IBTK: variants seen among roughly 807,000 people sequenced by gnomAD.
IBTK encodes BTK-binding protein.
In IBTK, 83 loss-of-function variants were observed where a neutral mutation model predicts 154.9. The ratio of observed to expected loss-of-function variants is 0.54; its 90% CI spans 0.45 to 0.64. The LOEUF (loss-of-function observed/expected upper bound fraction) is 0.64, where lower values mean the gene tolerates loss of function less well. Among genes scored for constraint, IBTK ranks in the 30% least tolerant of loss-of-function variants. The pLI is 0.00. For synonymous variants in IBTK, 515 were observed against 536.1 expected, an observed-to-expected ratio of 0.96 and a Z score of 0.54; for missense variants, 1,332 against 1,584.6, an observed-to-expected ratio of 0.84 and a Z score of 2.71.
At chr6:82,238,601 C>G (rs924710168) in intron 2 of IBTK, among the ~76,000 whole-genome samples, 17 of 152,000 alleles carry the variant, frequency 1.1e-4, no homozygotes, top group African/African-American at 4.1e-4. Flanking sequence ...CCACACCCAG[C>G]TAATAATTTT....
intron 16 of IBTK, among the ~76,000 whole-genome samples, chr6:82,208,448 A>G (rs1769496690): frequency 6.6e-6 from 1 of 152,196 alleles, no homozygotes; most frequent in Non-Finnish European, 1.5e-5. Flanking sequence ...ACAAGTAACA[A>G]GTCAACATAG....
chr6:82,229,468 C>T (rs190440797), intron 4 of IBTK, among the ~76,000 whole-genome samples: 35 of 152,090 alleles, frequency 2.3e-4, no homozygotes, highest in Admixed American at 6.5e-4. Flanking sequence ...CATGTACTAC[C>T]TCAAAAAAGG....
rs1769339404 is a variant in IBTK at position 82,204,885 on chromosome 6, C to T, written c.2583G>A (p.Glu861=). 6.2e-7 allele frequency: 1 copy of T among 1,605,592 alleles called. No homozygotes were observed. Among genetic ancestry groups the T allele is most frequent in the Admixed American group, 1.7e-5 (1 of 59,104 alleles). ...ADQLLITRLK[E]ICEVALTEKL... is the part of the protein sequence containing the mutation. ...TTTCAGTTAATGCTACTTCACAAAT[C>T]TCTTTCAACCGGGTTATGAGAAGTT... The change falls in exon 17 of 29, where the codon GAG becomes GAA. Residue 861 remains glutamate (E), a synonymous_variant. Transcript: ENST00000306270.
chr6:82,215,833 G>A (rs575664236), intron 11 of IBTK, among the ~76,000 whole-genome samples: 18 of 145,768 alleles, frequency 1.2e-4, no homozygotes, highest in African/African-American at 4.3e-4. Flanking sequence ...TGCATGTATA[G>A]ATATTTTCAA....
chr6:82,242,458 A>C (rs1286895032), intron 1 of IBTK, among the ~76,000 whole-genome samples: 1 of 152,148 alleles, frequency 6.6e-6, no homozygotes, highest in African/African-American at 2.4e-5. Context: ...CACCAACACA[A>C]CAACCAACCC....
intron 17 of IBTK, 146 bp downstream of exon 17, chr6:82,204,711 A>G: frequency 2.3e-6 from 1 of 443,546 alleles, no homozygotes; most frequent in South Asian, 7.2e-5. Context: ...AAATGATGGC[A>G]TGTAATAATT....
intron 10 of IBTK, among the ~76,000 whole-genome samples, chr6:82,217,218 CACTAAATATG>C (rs1394483269): frequency 6.6e-6 from 1 of 152,104 alleles, no homozygotes; most frequent in Non-Finnish European, 1.5e-5. Context: ...AGTTTCAGAT[CACTAAATATG>C]ACTAAGACAC....
intron 16 of IBTK, 194 bp from the exon 17 acceptor site, chr6:82,205,152 A>G (rs1028335847): frequency 1.3e-5 from 5 of 377,980 alleles, no homozygotes; most frequent in Middle Eastern, 1.4e-3. Flanking sequence ...AAGTAAATAC[A>G]TCAAAATATA....
chr6:82,236,157 A>C (rs1770706508), intron 2 of IBTK, among the ~76,000 whole-genome samples: 1 of 152,142 alleles, frequency 6.6e-6, no homozygotes, highest in Non-Finnish European at 1.5e-5. Flanking sequence ...TACAGTTGTG[A>C]GCCACCATGC....
intron 16 of IBTK, among the ~76,000 whole-genome samples, chr6:82,208,616 A>AGTTACTTGGGAG (rs1769504584): frequency 6.6e-6 from 1 of 152,008 alleles, no homozygotes; most frequent in Non-Finnish European, 1.5e-5. Context: ...GGTGGTGCAC[A>AGTTACTTGGGAG]GCTGTAGTCC....
intron 27 of IBTK, 89 bp from the exon 28 acceptor site, chr6:82,172,601 A>G: frequency 7.4e-6 from 9 of 1,223,568 alleles, no homozygotes; most frequent in Non-Finnish European, 9.0e-6. Flanking sequence ...CAATGCTACA[A>G]TTCTTTCCAG....
chr6:82,216,777 A>C (rs187914756), intron 10 of IBTK, among the ~76,000 whole-genome samples: 2 of 152,274 alleles, frequency 1.3e-5, no homozygotes, highest in East Asian at 3.9e-4. Context: ...AAGAAGACAG[A>C]CATGTGCCTG....
intron 25 of IBTK, among the ~76,000 whole-genome samples, chr6:82,189,760 G>A (rs1768693498): frequency 6.6e-6 from 1 of 152,230 alleles, no homozygotes; most frequent in Non-Finnish European, 1.5e-5. Context: ...TAAGGAAAAT[G>A]ATTGATGGCA....
intron 3 of IBTK, among the ~76,000 whole-genome samples, chr6:82,233,182 T>C (rs934540305): frequency 1.4e-5 from 2 of 146,646 alleles, no homozygotes; most frequent in South Asian, 2.1e-4. Context: ...AAAAAATTAA[T>C]TGGGCATGGT....
intron 1 of IBTK, among the ~76,000 whole-genome samples, chr6:82,241,757 CA>C (rs1429470392): frequency 1.3e-5 from 2 of 152,148 alleles, no homozygotes; most frequent in Non-Finnish European, 2.9e-5. Context: ...AAATTTGCCT[CA>C]ATATATATGG....
chr6:82,215,780 C>CAAAAAAAAAAAAAAAAAAAAAAAAAAA (rs59634766), intron 11 of IBTK, among the ~76,000 whole-genome samples: 1 of 82,130 alleles, frequency 1.2e-5, no homozygotes, highest in Non-Finnish European at 2.3e-5. Context: ...GACTCCATCT[C>CAAAAAAAAAAAAAAAAAAAAAAAAAAA]AAAAAAAAAA....
chr6:82,213,017 T>C (rs1162108166), intron 12 of IBTK, among the ~76,000 whole-genome samples: 2 of 149,594 alleles, frequency 1.3e-5, no homozygotes, highest in African/African-American at 2.5e-5. Flanking sequence ...ATCAAAGCCA[T>C]AGCACAAAGT....
chr6:82,246,256 A>G (rs940560209), intron 1 of IBTK, among the ~76,000 whole-genome samples: 5 of 152,196 alleles, frequency 3.3e-5, no homozygotes, highest in African/African-American at 1.2e-4. Context: ...TTGGTAGGGC[A>G]GCTGGAGACT....
chr6:82,176,542 A>G (rs1315721369), intron 26 of IBTK, among the ~76,000 whole-genome samples: 4 of 149,992 alleles, frequency 2.7e-5, no homozygotes, highest in African/African-American at 9.8e-5. Flanking sequence ...AAAAAAAAAG[A>G]AACACAAGCT....
Sources: allele counts gnomAD v4.1 joint callset (sites outside exome capture counted in the v4.1 genomes callset), GRCh38; gene constraint gnomAD v4.1.1; transcripts MANE v1.5; gene names NCBI Gene and HGNC (gene_info 2026-07-23, HGNC 2026-07-21).